The following RABGAP1L variants were observed in gnomAD, a reference collection of about 807,000 sequenced individuals.
The protein encoded by RABGAP1L is RAB GTPase activating protein 1 like, also known as rab GTPase-activating protein 1-like.
In RABGAP1L, 63 loss-of-function variants were observed where a neutral mutation model predicts 137.7. That is an observed-to-expected ratio of 0.46 (90% CI 0.37 to 0.56). RABGAP1L has a LOEUF of 0.56. RABGAP1L is among the 20% of genes least tolerant of loss of function. The pLI, the probability that RABGAP1L is intolerant of heterozygous loss-of-function variation, is 0.00. For missense variants in RABGAP1L, 1,095 were observed against 1,244.0 expected, an observed-to-expected ratio of 0.88 and a Z score of 1.80; for synonymous variants, 431 against 433.7, an observed-to-expected ratio of 0.99 and a Z score of 0.08.
chr1:174,788,638 T>C (rs1191039837), intron 18 of RABGAP1L, among the ~76,000 whole-genome samples: 1 of 152,236 alleles, frequency 6.6e-6, no homozygotes, highest in African/African-American at 2.4e-5. Flanking sequence ...CACCTACTTG[T>C]TGTCCAGTAC....
intron 19 of RABGAP1L, among the ~76,000 whole-genome samples, chr1:174,889,092 T>C (rs1211861759): frequency 6.6e-6 from 1 of 152,050 alleles, no homozygotes; most frequent in Non-Finnish European, 1.5e-5. Context: ...TTTTCTTTTT[T>C]TGAATTTTTG....
chr1:174,855,116 CA>C (rs1156567976), intron 19 of RABGAP1L, among the ~76,000 whole-genome samples: 1 of 151,906 alleles, frequency 6.6e-6, no homozygotes, highest in Non-Finnish European at 1.5e-5. Flanking sequence ...ATGATATTCT[CA>C]ATAAAGAACA....
intron 19 of RABGAP1L, among the ~76,000 whole-genome samples, chr1:174,956,890 C>T (rs1051956218): frequency 3.3e-5 from 5 of 152,014 alleles, no homozygotes; most frequent in Admixed American, 6.6e-5. Flanking sequence ...TCAAGTGATC[C>T]GCCCACCTCA....
chr1:174,714,753 C>T (rs1680861825), intron 17 of RABGAP1L, among the ~76,000 whole-genome samples: 1 of 152,186 alleles, frequency 6.6e-6, no homozygotes, highest in Non-Finnish European at 1.5e-5. Flanking sequence ...CTGTATTATT[C>T]TCTATCAATC....
chr1:174,989,603 G>GA (rs1671905150), intron 25 of RABGAP1L, among the ~76,000 whole-genome samples: 1 of 151,924 alleles, frequency 6.6e-6, no homozygotes, highest in African/African-American at 2.4e-5. Context: ...AACTTGCAGG[G>GA]AAAAAAAGAA....
At chr1:174,662,102 C>CTTTTTTTTTTTTTT (rs749496325) in intron 14 of RABGAP1L, among the ~76,000 whole-genome samples, 2 of 90,272 alleles carry the variant, frequency 2.2e-5, no homozygotes, top group Non-Finnish European at 4.0e-5. Flanking sequence ...CTTTTCTTTT[C>CTTTTTTTTTTTTTT]TTTTTTTTTT....
At chr1:174,869,831 A>G (rs1651897001) in intron 19 of RABGAP1L, among the ~76,000 whole-genome samples, 3 of 152,176 alleles carry the variant, frequency 2.0e-5, no homozygotes, top group Admixed American at 2.0e-4. Flanking sequence ...TCATTCTACC[A>G]TGTAAGGACA....
At chr1:174,496,980 C>G (rs7522253) in intron 13 of RABGAP1L, among the ~76,000 whole-genome samples, 58,983 of 152,026 alleles carry the variant, frequency 0.39, 14,378 homozygotes, top group African/African-American at 0.69. Flanking sequence ...TCTTGAATGT[C>G]TCAGTCATTG....
chr1:174,948,320 A>G (rs1667188174), intron 19 of RABGAP1L, among the ~76,000 whole-genome samples: 1 of 152,034 alleles, frequency 6.6e-6, no homozygotes. Flanking sequence ...CAGGGTTTCA[A>G]GACCAGCCTG....
intron 14 of RABGAP1L, among the ~76,000 whole-genome samples, chr1:174,648,484 G>A (rs1675178296): frequency 6.6e-6 from 1 of 152,110 alleles, no homozygotes; most frequent in Admixed American, 6.6e-5. Flanking sequence ...TCCACATGAA[G>A]TTATTCAGTT....
chr1:174,601,980 T>A (rs759519937), intron 13 of RABGAP1L, among the ~76,000 whole-genome samples: 46 of 152,148 alleles, frequency 3.0e-4, no homozygotes, highest in Non-Finnish European at 6.2e-4. Flanking sequence ...TTATTGTCCA[T>A]ATCACTCTCA....
At chr1:174,976,683 T>C (rs533496236) in intron 22 of RABGAP1L, among the ~76,000 whole-genome samples, 1 of 152,346 alleles carries the variant, frequency 6.6e-6, no homozygotes, top group South Asian at 2.1e-4. Flanking sequence ...GGCTAAGCTT[T>C]CAAACCTATT....
chr1:174,223,736 C>A (rs1178822484), intron 3 of RABGAP1L, among the ~76,000 whole-genome samples: 2 of 152,074 alleles, frequency 1.3e-5, no homozygotes, highest in African/African-American at 4.8e-5. Context: ...TTTTTATAAA[C>A]ATTCTGAAAT....
intron 13 of RABGAP1L, among the ~76,000 whole-genome samples, chr1:174,531,757 G>C (rs1664430003): frequency 8.2e-6 from 1 of 121,710 alleles, no homozygotes; most frequent in Admixed American, 9.9e-5. Flanking sequence ...GGTGGGGGGG[G>C]GGAAGATATA....
chr1:174,441,118 G>A (rs957065829), intron 13 of RABGAP1L, among the ~76,000 whole-genome samples: 7 of 151,126 alleles, frequency 4.6e-5, no homozygotes, highest in Non-Finnish European at 1.0e-4. Context: ...TGCCTGTGAT[G>A]TATCATGTAA....
intron 13 of RABGAP1L, among the ~76,000 whole-genome samples, chr1:174,488,965 TTG>T (rs1659948916): frequency 2.3e-5 from 3 of 131,024 alleles, no homozygotes. Context: ...CCACCCTGTG[TTG>T]CCAAGTGTTC....
intron 13 of RABGAP1L, among the ~76,000 whole-genome samples, chr1:174,496,821 T>G (rs755587912): frequency 3.3e-5 from 5 of 152,216 alleles, no homozygotes; most frequent in Non-Finnish European, 7.3e-5. Context: ...ATTGTTTGCC[T>G]GAAAGAGACT....
intron 13 of RABGAP1L, among the ~76,000 whole-genome samples, chr1:174,636,285 G>A (rs563460297): frequency 3.9e-5 from 6 of 152,024 alleles, no homozygotes; most frequent in African/African-American, 9.7e-5. Flanking sequence ...TTGGGAGGTC[G>A]AAGTGGGTGA....
intron 14 of RABGAP1L, among the ~76,000 whole-genome samples, chr1:174,675,867 C>T (rs1338454755): frequency 6.6e-6 from 1 of 152,070 alleles, no homozygotes; most frequent in Non-Finnish European, 1.5e-5. Flanking sequence ...AGCATATTGT[C>T]ATTATCCTTT....
Sources: gnomAD v4.1 joint callset for allele counts (sites outside exome capture counted in the v4.1 genomes callset) on GRCh38, gnomAD v4.1.1 for gene constraint, MANE v1.5 for transcripts, NCBI Gene and HGNC (gene_info 2026-07-23, HGNC 2026-07-21) for gene names.